The following TASP1 variants were observed in gnomAD, a reference collection of about 807,000 sequenced individuals.
TASP1 encodes taspase 1, also known as threonine aspartase 1.
TASP1 carries 16 observed loss-of-function variants against 56.6 expected under a neutral mutation model. That is an observed-to-expected ratio of 0.28 (90% CI 0.19 to 0.43). TASP1 has a LOEUF of 0.43. Ranked by LOEUF, TASP1 falls within the 20% of genes least tolerant of loss-of-function variation. TASP1 has a pLI of 1.00. For missense variants in TASP1, 393 were observed against 511.6 expected, an observed-to-expected ratio of 0.77 and a Z score of 2.24; for synonymous variants, 179 against 184.2, an observed-to-expected ratio of 0.97 and a Z score of 0.23.
the TASP1 span, among the ~76,000 whole-genome samples, chr20:13,163,191 A>G: frequency 6.6e-6 from 1 of 151,862 alleles, no homozygotes; most frequent in Non-Finnish European, 1.5e-5. Flanking sequence ...AACATGGTGA[A>G]ACCCCATCTC....
intron 8 of TASP1, among the ~76,000 whole-genome samples, chr20:13,547,218 T>C (rs906392924): frequency 2.6e-5 from 4 of 152,158 alleles, no homozygotes; most frequent in East Asian, 1.9e-4. Flanking sequence ...AAATGGCAAA[T>C]GTGTAAAGCA....
chr20:13,223,204 T>TA, the TASP1 span, among the ~76,000 whole-genome samples: 2 of 151,194 alleles, frequency 1.3e-5, no homozygotes, highest in African/African-American at 4.9e-5. Context: ...AATAAATAAA[T>TA]AAATAAAATG....
the TASP1 span, among the ~76,000 whole-genome samples, chr20:13,203,426 T>G: frequency 6.6e-6 from 1 of 152,242 alleles, no homozygotes. Flanking sequence ...CTATTTCACA[T>G]GCAAACACTC....
At chr20:13,527,465 T>A (rs1026568080) in intron 10 of TASP1, among the ~76,000 whole-genome samples, 1 of 152,226 alleles carries the variant, frequency 6.6e-6, no homozygotes, top group East Asian at 1.9e-4. Context: ...GAATCAATAT[T>A]ATTTTGTCAA....
At chr20:13,147,181 C>T in the TASP1 span, among the ~76,000 whole-genome samples, 1 of 152,114 alleles carries the variant, frequency 6.6e-6, no homozygotes, top group Non-Finnish European at 1.5e-5. Flanking sequence ...GCCTGGAGAG[C>T]CCTTGGAACA....
At chr20:13,149,147 A>G in the TASP1 span, among the ~76,000 whole-genome samples, 1 of 152,236 alleles carries the variant, frequency 6.6e-6, no homozygotes, top group Non-Finnish European at 1.5e-5. Flanking sequence ...AGAGGGCTAC[A>G]TAAGAGATTA....
chr20:13,605,743 C>G (rs927871964), intron 4 of TASP1, among the ~76,000 whole-genome samples: 1 of 152,074 alleles, frequency 6.6e-6, no homozygotes, highest in Non-Finnish European at 1.5e-5. Flanking sequence ...AAGCGGTCAT[C>G]TGATCTTCTG....
intron 4 of TASP1, among the ~76,000 whole-genome samples, chr20:13,597,148 T>C (rs1009214750): frequency 8.5e-5 from 13 of 152,090 alleles, no homozygotes; most frequent in African/African-American, 1.4e-4. Context: ...TTCCAATCAA[T>C]AGAAAAAGAG....
intron 4 of TASP1, among the ~76,000 whole-genome samples, chr20:13,613,792 A>C (rs1213931828): frequency 6.6e-6 from 1 of 152,108 alleles, no homozygotes; most frequent in Non-Finnish European, 1.5e-5. Context: ...TTAACCAATA[A>C]GTTTCAGCAG....
the TASP1 span, among the ~76,000 whole-genome samples, chr20:13,180,409 T>G: frequency 6.6e-6 from 1 of 152,278 alleles, no homozygotes; most frequent in Admixed American, 6.5e-5. Context: ...AGCTTCCCCA[T>G]CATGTCCACC....
intron 10 of TASP1, among the ~76,000 whole-genome samples, chr20:13,518,299 G>A (rs117283568): frequency 6.3e-4 from 96 of 152,168 alleles, no homozygotes; most frequent in Middle Eastern, 6.8e-3. Context: ...TCACCAACAG[G>A]ACTAAGAGCA....
At chr20:13,340,308 A>G in the TASP1 span, among the ~76,000 whole-genome samples, 2 of 152,154 alleles carry the variant, frequency 1.3e-5, no homozygotes, top group African/African-American at 4.8e-5. Context: ...GCATCATTGC[A>G]ACACCGAACC....
the TASP1 span, among the ~76,000 whole-genome samples, chr20:13,106,253 C>T: frequency 1.3e-5 from 2 of 152,240 alleles, no homozygotes; most frequent in African/African-American, 4.8e-5. Context: ...AGGAAAAGAA[C>T]ATTGATGCAA....
the TASP1 span, among the ~76,000 whole-genome samples, chr20:13,361,653 G>GC: frequency 8.3e-3 from 1,266 of 151,702 alleles, 14 homozygotes; most frequent in African/African-American, 0.029. Flanking sequence ...CTTGGACTGT[G>GC]CCCCCCAAAA....
At chr20:13,275,965 A>C in the TASP1 span, among the ~76,000 whole-genome samples, 1 of 152,228 alleles carries the variant, frequency 6.6e-6, no homozygotes, top group East Asian at 1.9e-4. Flanking sequence ...GCGTGCTGCA[A>C]GTCTCAAAGC....
At chr20:13,461,535 AG>A (rs1220047908) in intron 11 of TASP1, among the ~76,000 whole-genome samples, 2 of 152,174 alleles carry the variant, frequency 1.3e-5, no homozygotes, top group Non-Finnish European at 2.9e-5. Flanking sequence ...GGAATTGGCA[AG>A]CTTTTTCCAT....
chr20:13,551,790 AG>A (rs1216141006), intron 8 of TASP1, among the ~76,000 whole-genome samples: 2 of 152,250 alleles, frequency 1.3e-5, no homozygotes, highest in Non-Finnish European at 2.9e-5. Context: ...GATAAAGATT[AG>A]TAAACAATAC....
At chr20:13,176,186 C>G in the TASP1 span, among the ~76,000 whole-genome samples, 3 of 152,160 alleles carry the variant, frequency 2.0e-5, no homozygotes, top group African/African-American at 7.2e-5. Context: ...ATCAGGTCAT[C>G]TGCAAACAGG....
At chr20:13,443,555 G>T (rs987508913) in intron 11 of TASP1, among the ~76,000 whole-genome samples, 1 of 152,144 alleles carries the variant, frequency 6.6e-6, no homozygotes, top group African/African-American at 2.4e-5. Context: ...GCTATGGAAT[G>T]AAACTGTAAT....
Sources: gnomAD v4.1 joint callset for allele counts (sites outside exome capture counted in the v4.1 genomes callset) on GRCh38, gnomAD v4.1.1 for gene constraint, MANE v1.5 for transcripts, NCBI Gene and HGNC (gene_info 2026-07-23, HGNC 2026-07-21) for gene names.